The following ME1 variants were observed in gnomAD, a reference collection of about 807,000 sequenced individuals.
ME1 encodes NADP-dependent malic enzyme.
ME1 carries 74 observed loss-of-function variants against 66.4 expected under a neutral mutation model. The ratio of observed to expected loss-of-function variants is 1.11; its 90% confidence interval spans 0.92 to 1.35. The LOEUF (loss-of-function observed/expected upper bound fraction) is 1.35. Ranked by LOEUF, ME1 falls within the 40% of genes most tolerant of loss-of-function variation. ME1 has a pLI of 0.00. For synonymous variants in ME1, 251 were observed against 235.6 expected (o/e 1.07, Z -0.60); for missense variants, 750 against 694.1 (o/e 1.08, Z -0.90).
At chr6:83,271,108 G>A (rs1450434752) in intron 6 of ME1, among the ~76,000 whole-genome samples, 1 of 151,650 alleles carries the variant, frequency 6.6e-6, no homozygotes, top group Non-Finnish European at 1.5e-5. Flanking sequence ...AAAATGAAAA[G>A]GTCTCAAGAC....
chr6:83,340,731 A>C (rs1410864543), intron 5 of ME1, among the ~76,000 whole-genome samples: 1 of 152,056 alleles, frequency 6.6e-6, no homozygotes, highest in Admixed American at 6.6e-5. Flanking sequence ...TCTTTTTAAA[A>C]ACTGAAATGT....
At chr6:83,383,639 T>C (rs549776707) in intron 3 of ME1, among the ~76,000 whole-genome samples, 1 of 151,948 alleles carries the variant, frequency 6.6e-6, no homozygotes, top group South Asian at 2.1e-4. Flanking sequence ...TACTTGCACA[T>C]TTTCAGCTTT....
At chr6:83,332,085 T>C (rs1346694669) in intron 5 of ME1, among the ~76,000 whole-genome samples, 2 of 152,176 alleles carry the variant, frequency 1.3e-5, no homozygotes, top group African/African-American at 4.8e-5. Context: ...TAGCAACTGC[T>C]TCACAATTAA....
At chr6:83,237,890 C>A in intron 8 of ME1, 60 bp from the exon 9 acceptor site, 2 of 787,820 alleles carry the variant, frequency 2.5e-6, no homozygotes, top group Non-Finnish European at 3.9e-6. Context: ...TTAAGGGTTA[C>A]ATTTCACCCC....
chr6:83,220,193 A>G (rs549995348), intron 12 of ME1, among the ~76,000 whole-genome samples: 2 of 152,352 alleles, frequency 1.3e-5, no homozygotes, highest in South Asian at 4.1e-4. Flanking sequence ...AAGAAGAATC[A>G]TTCTGAATCC....
intron 3 of ME1, among the ~76,000 whole-genome samples, chr6:83,375,540 C>T (rs1769272354): frequency 6.6e-6 from 1 of 152,148 alleles, no homozygotes; most frequent in Admixed American, 6.5e-5. Flanking sequence ...CATCTGCAAA[C>T]AGAGACAGTT....
intron 5 of ME1, among the ~76,000 whole-genome samples, chr6:83,332,974 T>A (rs947995298): frequency 2.0e-5 from 3 of 152,216 alleles, no homozygotes; most frequent in South Asian, 2.1e-4. Context: ...TGTTTTGGCA[T>A]CTTAGTTCCT....
chr6:83,405,885 C>A (rs1166547313), intron 2 of ME1, among the ~76,000 whole-genome samples: 3 of 151,882 alleles, frequency 2.0e-5, no homozygotes, highest in Non-Finnish European at 4.4e-5. Context: ...CTATGCCCGG[C>A]TAATTTTTTG....
chr6:83,315,267 T>C (rs1317149647), intron 6 of ME1, 43 bp downstream of exon 6: 2 of 1,181,176 alleles, frequency 1.7e-6, no homozygotes, highest in East Asian at 2.3e-5. Flanking sequence ...GTCTGTTATG[T>C]TATTGTTACT....
intron 6 of ME1, among the ~76,000 whole-genome samples, chr6:83,258,708 C>A (rs1255334144): frequency 6.6e-6 from 1 of 152,084 alleles, no homozygotes; most frequent in East Asian, 1.9e-4. Flanking sequence ...CTGTCAGCAA[C>A]CCAGTGAAGA....
intron 6 of ME1, among the ~76,000 whole-genome samples, chr6:83,269,838 C>T (rs532786402): frequency 1.0e-3 from 154 of 152,186 alleles, no homozygotes; most frequent in African/African-American, 3.5e-3. Context: ...AACTAGGAGG[C>T]TGTCCAAATG....
chr6:83,426,076 C>T (rs776183602), intron 1 of ME1, among the ~76,000 whole-genome samples: 13 of 152,240 alleles, frequency 8.5e-5, no homozygotes, highest in African/African-American at 2.2e-4. Flanking sequence ...TCTTGCCTTC[C>T]GCCATGGGAT....
At position 83,276,108 on chromosome 6, in the gene ME1, T is replaced by C. The variant is rs1166325466; in HGVS notation, c.705-22370A>G. ...TTTAATCTGCACAACATACAGAAAG[T>C]CACTTACGGTTGAAACGAAGCACCG... On this transcript the variant is annotated intron_variant, in intron 6 of 13. Transcript: ENST00000369705. Among the ~76,000 whole-genome samples the C allele has an allele frequency of 2.0e-5, 3 of 152,052 alleles. No individual in the cohort carries two copies. In the East Asian group the frequency reaches 5.8e-4, roughly 29 times the overall value.
rs541105347 is a variant in ME1 at position 83,392,592 on chromosome 6, C to T, written c.362+5775G>A. The T allele has an allele frequency of 1.6e-5, 9 of 567,360 alleles. No individual in the cohort carries two copies. In the East Asian group the frequency reaches 3.2e-4, roughly 20 times the overall value. 35.1% of individuals were successfully genotyped at this position (567,360 alleles called of 1,614,324 possible). A position where few individuals can be genotyped will look rare whatever the true frequency, so the allele number is the denominator to read the frequency against. On this transcript the variant is annotated intron_variant, in intron 3 of 13. Transcript: ENST00000369705. ...CCGCCCATGGCAAATTCCACGGCAC[C>T]GTCAAGGCTGAGAACGGGAAGCTTG... is the stretch of plus-strand genomic sequence containing the variant.
At chr6:83,376,508 A>AG in intron 3 of ME1, among the ~76,000 whole-genome samples, 1 of 146,486 alleles carries the variant, frequency 6.8e-6, no homozygotes, top group Non-Finnish European at 1.5e-5. Context: ...AAAAAAAAAA[A>AG]GAAAAAAAGA....
At chr6:83,274,139 T>C (rs1430712702) in intron 6 of ME1, among the ~76,000 whole-genome samples, 4 of 152,214 alleles carry the variant, frequency 2.6e-5, no homozygotes, top group Non-Finnish European at 5.9e-5. Context: ...GAAACTATTT[T>C]ATGCTTGCTA....
At chr6:83,389,100 C>T (rs1290953571) in intron 3 of ME1, among the ~76,000 whole-genome samples, 1 of 152,088 alleles carries the variant, frequency 6.6e-6, no homozygotes, top group Non-Finnish European at 1.5e-5. Flanking sequence ...GCCTGGGTGA[C>T]AGAGTGAGAC....
chr6:83,307,463 G>A (rs1767847707), intron 6 of ME1, among the ~76,000 whole-genome samples: 1 of 152,010 alleles, frequency 6.6e-6, no homozygotes, highest in African/African-American at 2.4e-5. Context: ...TGGGTCCACA[G>A]GGAAGAATAG....
intron 3 of ME1, among the ~76,000 whole-genome samples, chr6:83,373,264 C>T (rs920463875): frequency 4.0e-5 from 6 of 151,708 alleles, no homozygotes; most frequent in Non-Finnish European, 7.4e-5. Flanking sequence ...TCTGAAGAGT[C>T]TCACTTCATC....
Sources: gnomAD v4.1 joint callset for allele counts (sites outside exome capture counted in the v4.1 genomes callset) on GRCh38, gnomAD v4.1.1 for gene constraint, MANE v1.5 for transcripts, NCBI Gene and HGNC (gene_info 2026-07-23, HGNC 2026-07-21) for gene names.